LIPC: variants seen among roughly 807,000 people sequenced by gnomAD.
LIPC encodes hepatic triacylglycerol lipase.
In LIPC, 44 loss-of-function variants were observed where a neutral mutation model predicts 50.7. The ratio of observed to expected loss-of-function variants is 0.87; its 90% confidence interval spans 0.68 to 1.11. The LOEUF is 1.11. LIPC is among the 50% of genes most tolerant of loss of function. The pLI, the probability that LIPC is intolerant of heterozygous loss-of-function variation, is 0.00. For missense variants in LIPC, 697 were observed against 648.2 expected, an observed-to-expected ratio of 1.08 and a Z score of -0.82; for synonymous variants, 271 against 256.4, an observed-to-expected ratio of 1.06 and a Z score of -0.54.
chr15:58,485,810 G>T (rs1244446488), intron 1 of LIPC, among the ~76,000 whole-genome samples: 5 of 152,256 alleles, frequency 3.3e-5, no homozygotes, highest in African/African-American at 1.2e-4. Context: ...CTTGGCCCTT[G>T]AGGCCCCTTC....
chr15:58,481,213 G>A (rs1891177728), intron 1 of LIPC, among the ~76,000 whole-genome samples: 1 of 152,124 alleles, frequency 6.6e-6, no homozygotes, highest in Non-Finnish European at 1.5e-5. Flanking sequence ...CATGACTTGT[G>A]GTGGGAGGGA....
intron 1 of LIPC, among the ~76,000 whole-genome samples, chr15:58,536,159 T>G (rs1353079267): frequency 6.6e-6 from 1 of 152,170 alleles, no homozygotes; most frequent in Non-Finnish European, 1.5e-5. Flanking sequence ...TCTGACTAGA[T>G]GAGAAGGCTT....
In LIPC at chr15:58,569,408, G is replaced by C. The variant is rs756505083; in HGVS notation, c.*581G>C. 1.3e-5 allele frequency: 2 copies of C among 152,140 alleles called. No homozygotes were observed. The highest frequency in any genetic ancestry group is 2.9e-5 in the Non-Finnish European group (2 of 68,022). 9.4% of individuals were successfully genotyped at this position (152,140 alleles called of 1,614,324 possible). On this transcript the variant is annotated 3_prime_UTR_variant, in exon 9 of 9. Coordinates refer to ENST00000299022, the MANE Select transcript of LIPC (RefSeq NM_000236.3). ...TCTACTAAAACTACTTGTGATAACA[G>C]TGAAAGCTAGACATGTGGTCATTTT...
chr15:58,498,631 A>T (rs1891861498), intron 1 of LIPC: 2 of 152,110 alleles, frequency 1.3e-5, no homozygotes, highest in Admixed American at 1.3e-4. Flanking sequence ...ACATTGAGAA[A>T]CACTGACCTG....
chr15:58,494,570 T>G (rs1442578474), intron 1 of LIPC, among the ~76,000 whole-genome samples: 1 of 152,248 alleles, frequency 6.6e-6, no homozygotes, highest in African/African-American at 2.4e-5. Flanking sequence ...TGGTTTTGAT[T>G]GTAATTACTA....
chr15:58,538,248 C>T (rs1893201770), intron 1 of LIPC, 85 bp from the exon 2 acceptor site: 1 of 1,324,894 alleles, frequency 7.5e-7, no homozygotes, highest in Admixed American at 1.7e-5. Context: ...TTGGCTTGTG[C>T]TTGTAGAAGC....
chr15:58,487,760 A>C lies in LIPC; in HGVS notation c.89-50573A>C, dbSNP rs541180262. ...ACCCCTGGCACCTCTAACACATTAAAGCTCATCACAGCAGTTATTTTAAGG... is the reference window on the plus strand; with the variant it reads ...ACCCCTGGCACCTCTAACACATTAACGCTCATCACAGCAGTTATTTTAAGG... On this transcript the variant is annotated intron_variant, in intron 1 of 8. Coordinates refer to ENST00000299022, the MANE Select transcript of LIPC (RefSeq NM_000236.3). 1.2e-4 allele frequency among the ~76,000 whole-genome samples: 18 copies of C among 152,282 alleles called. No individual in the cohort carries two copies. In the East Asian group the frequency reaches 3.5e-3, roughly 29 times the overall value.
At chr15:58,535,591 T>TC (rs1893091986) in intron 1 of LIPC, among the ~76,000 whole-genome samples, 1 of 152,124 alleles carries the variant, frequency 6.6e-6, no homozygotes, top group African/African-American at 2.4e-5. Flanking sequence ...ACAGAATTGG[T>TC]CCTATGAGGA....
intron 1 of LIPC, among the ~76,000 whole-genome samples, chr15:58,483,585 C>A (rs1891264196): frequency 6.6e-6 from 1 of 152,146 alleles, no homozygotes; most frequent in South Asian, 2.1e-4. Flanking sequence ...ATCCAGCATT[C>A]ACAGTCCATT....
intron 6 of LIPC, 118 bp from the exon 7 acceptor site, chr15:58,560,746 T>C (rs1318611293): frequency 3.1e-6 from 2 of 652,638 alleles, no homozygotes; most frequent in Non-Finnish European, 5.6e-6. Context: ...TGTTAACATA[T>C]TAATATCTAT....
intron 6 of LIPC, among the ~76,000 whole-genome samples, chr15:58,553,390 G>A (rs1442923427): frequency 3.3e-5 from 5 of 152,170 alleles, no homozygotes; most frequent in Admixed American, 6.5e-5. Context: ...GAGCCCAGGC[G>A]TTCCAAACCA....
At chr15:58,460,141 C>T (rs943771551) in intron 1 of LIPC, among the ~76,000 whole-genome samples, 3 of 152,200 alleles carry the variant, frequency 2.0e-5, no homozygotes, top group East Asian at 1.9e-4. Context: ...TTGTTCAAGC[C>T]GATGAACATC....
At chr15:58,562,972 T>A (rs576303561) in intron 7 of LIPC, among the ~76,000 whole-genome samples, 1 of 152,352 alleles carries the variant, frequency 6.6e-6, no homozygotes, top group African/African-American at 2.4e-5. Context: ...GTAAAGCTGA[T>A]CATGATACCT....
intron 1 of LIPC, among the ~76,000 whole-genome samples, chr15:58,496,869 G>T (rs540139348): frequency 3.3e-5 from 5 of 152,110 alleles, no homozygotes; most frequent in Non-Finnish European, 5.9e-5. Flanking sequence ...ATTTTTAGTA[G>T]AGATAGGGTT....
intron 1 of LIPC, among the ~76,000 whole-genome samples, chr15:58,475,901 T>G (rs1225591623): frequency 6.6e-6 from 1 of 152,208 alleles, no homozygotes; most frequent in African/African-American, 2.4e-5. Flanking sequence ...AGCTCTAGAT[T>G]CTGTCATTAG....
chr15:58,495,454 G>A (rs1219873564), intron 1 of LIPC, among the ~76,000 whole-genome samples: 2 of 152,142 alleles, frequency 1.3e-5, no homozygotes, highest in Non-Finnish European at 2.9e-5. Flanking sequence ...TCTAGGCATT[G>A]GGTGTGAAAC....
At chr15:58,499,899 C>T (rs550216980) in intron 1 of LIPC, among the ~76,000 whole-genome samples, 39 of 152,244 alleles carry the variant, frequency 2.6e-4, no homozygotes, top group African/African-American at 8.4e-4. Flanking sequence ...CTCACAATGC[C>T]AGTGGATGTC....
chr15:58,444,640 G>A (rs1230240715), intron 1 of LIPC, among the ~76,000 whole-genome samples: 4 of 152,074 alleles, frequency 2.6e-5, no homozygotes, highest in Admixed American at 6.6e-5. Context: ...TTCTGTGTCC[G>A]ATCTCCTCTT....
At chr15:58,521,367 A>C (rs4581654) in intron 1 of LIPC, 99,433 of 152,116 alleles carry the variant, frequency 0.65, 35,069 homozygotes, top group Non-Finnish European at 0.78. Context: ...CCCATCCTCA[A>C]GGTCTGAACA....
Sources: gnomAD v4.1 joint callset for allele counts (sites outside exome capture counted in the v4.1 genomes callset) on GRCh38, gnomAD v4.1.1 for gene constraint, MANE v1.5 for transcripts, NCBI Gene and HGNC (gene_info 2026-07-23, HGNC 2026-07-21) for gene names.